The following FAM13B variants were observed in gnomAD, a reference collection of about 807,000 sequenced individuals.
FAM13B encodes family with sequence similarity 13 member B, also known as protein FAM13B.
FAM13B carries 60 observed loss-of-function variants against 117.3 expected under a neutral mutation model. That is an observed-to-expected ratio of 0.51 (90% CI 0.42 to 0.63). The LOEUF is 0.63. Among genes scored for constraint, FAM13B ranks in the 30% least tolerant of loss-of-function variants. The pLI, the probability that FAM13B is intolerant of heterozygous loss-of-function variation, is 0.00. For synonymous variants in FAM13B, 332 were observed against 356.1 expected, an observed-to-expected ratio of 0.93 and a Z score of 0.76; for missense variants, 972 against 1,091.9, an observed-to-expected ratio of 0.89 and a Z score of 1.55.
intron 1 of FAM13B, among the ~76,000 whole-genome samples, chr5:138,022,259 G>A (rs1786964880): frequency 6.6e-6 from 1 of 152,198 alleles, no homozygotes; most frequent in Non-Finnish European, 1.5e-5. Context: ...AGACTAGAGA[G>A]AGAGAGAAGA....
At position 137,943,214 on chromosome 5, in the gene FAM13B, T is replaced by G; in HGVS notation, c.2343A>C (p.Gly781=). The change falls in exon 21 of 24, where the codon GGA becomes GGC. Residue 781 remains glycine, a splice_region_variant and synonymous_variant. Coordinates refer to ENST00000689681, the MANE Select transcript of FAM13B (RefSeq NM_001385994.1). ...GACCCCTTCGCTTGGTGGATGGAGATCCCTATAACAATCAATAATATAAAT... is the reference window on the plus strand; with the variant it reads ...GACCCCTTCGCTTGGTGGATGGAGAGCCCTATAACAATCAATAATATAAAT... ...LTRASITPVL[G]SPSTKRRGQM... 1 of 1,611,518 alleles carries G rather than the reference T, an allele frequency of 6.2e-7. No homozygotes were observed. Among genetic ancestry groups the G allele is most frequent in the Non-Finnish European group, 8.5e-7 (1 of 1,177,998 alleles).
At chr5:137,949,933 A>G (rs1463213958) in intron 17 of FAM13B, among the ~76,000 whole-genome samples, 1 of 152,308 alleles carries the variant, frequency 6.6e-6, no homozygotes, top group South Asian at 2.1e-4. Context: ...ACTGCAATGC[A>G]GCCTGGGCAA....
chr5:137,984,052 T>G (rs1479991620), intron 10 of FAM13B, among the ~76,000 whole-genome samples: 1 of 152,202 alleles, frequency 6.6e-6, no homozygotes, highest in Non-Finnish European at 1.5e-5. Flanking sequence ...ATGGCAATTA[T>G]ATTAAAAAAA....
intron 9 of FAM13B, 116 bp downstream of exon 9, chr5:137,987,345 C>T: frequency 2.1e-6 from 2 of 960,284 alleles, no homozygotes; most frequent in Non-Finnish European, 3.0e-6. Context: ...TCACTTTTCA[C>T]AAACAACTTT....
chr5:137,944,347 G>T (rs1245477127), intron 20 of FAM13B, among the ~76,000 whole-genome samples: 1 of 152,110 alleles, frequency 6.6e-6, no homozygotes, highest in African/African-American at 2.4e-5. Context: ...AACAACACAT[G>T]CAGTCACATG....
chr5:137,960,175 G>A lies in FAM13B; in HGVS notation c.1284C>T (p.His428=). 6.5e-7 allele frequency: 1 copy of A among 1,531,086 alleles called. No homozygotes were observed. Among genetic ancestry groups the A allele is most frequent in the Non-Finnish European group, 9.0e-7 (1 of 1,116,986 alleles). 94.8% of individuals were successfully genotyped at this position (1,531,086 alleles called of 1,614,324 possible). ...YLLFDSDKLS[H]LILDSSSKIC... ...AAAAAATAGTTCTTACCAGAATCAA[G>A]TGTGACAATTTATCACTGTCAAATA... The change falls in exon 12 of 24, where the codon CAC becomes CAT. Residue 428 remains histidine (H), a synonymous_variant. Transcript: ENST00000689681.
intron 14 of FAM13B, among the ~76,000 whole-genome samples, 188 bp downstream of exon 14, chr5:137,956,289 G>A (rs1766533473): frequency 6.6e-6 from 1 of 152,198 alleles, no homozygotes; most frequent in African/African-American, 2.4e-5. Flanking sequence ...GTAACTGGTA[G>A]TAAACATTTT....
At chr5:137,954,005 G>A (rs747930683) in intron 15 of FAM13B, among the ~76,000 whole-genome samples, 161 bp downstream of exon 15, 3 of 149,892 alleles carry the variant, frequency 2.0e-5, no homozygotes, top group Non-Finnish European at 4.4e-5. Flanking sequence ...CAGTGAGAAA[G>A]CTCTGAATTC....
intron 18 of FAM13B, among the ~76,000 whole-genome samples, chr5:137,947,468 C>T (rs1053859110): frequency 1.3e-5 from 2 of 152,100 alleles, no homozygotes; most frequent in African/African-American, 2.4e-5. Flanking sequence ...AAAGAAAGGG[C>T]TTGGTGCTGT....
chr5:137,989,963 G>A (rs1401801291), intron 7 of FAM13B, among the ~76,000 whole-genome samples: 4 of 152,262 alleles, frequency 2.6e-5, no homozygotes, highest in East Asian at 3.9e-4. Flanking sequence ...GCGGTTTCCT[G>A]TGAGCTAAAA....
chr5:137,977,106 T>G (rs1774253056), intron 10 of FAM13B, among the ~76,000 whole-genome samples: 1 of 152,178 alleles, frequency 6.6e-6, no homozygotes, highest in Non-Finnish European at 1.5e-5. Context: ...AATGGCCTCC[T>G]TGGGTGTGGC....
chr5:137,979,536 T>C (rs1775040715), intron 10 of FAM13B, among the ~76,000 whole-genome samples: 1 of 152,238 alleles, frequency 6.6e-6, no homozygotes. Flanking sequence ...GCTCTACGTA[T>C]GACCCAAATC....
At position 137,958,495 on chromosome 5, in the gene FAM13B, G is replaced by A. The variant is rs578224599; in HGVS notation, c.1441+1121C>T. 5.3e-5 allele frequency among the ~76,000 whole-genome samples: 8 copies of A among 151,842 alleles called. No individual in the cohort carries two copies. In the South Asian group the frequency reaches 1.7e-3, roughly 32 times the overall value. ...ACACACTCCATTTGCGATCAGGTGAGTACACTTAAACAGTGCCAAAAGGAG... is the reference window on the plus strand; with the variant it reads ...ACACACTCCATTTGCGATCAGGTGAATACACTTAAACAGTGCCAAAAGGAG... On this transcript the variant is annotated intron_variant, in intron 13 of 23. Coordinates refer to ENST00000689681, the MANE Select transcript of FAM13B (RefSeq NM_001385994.1).
chr5:137,999,079 T>C (rs556541570), intron 7 of FAM13B, among the ~76,000 whole-genome samples: 21 of 152,214 alleles, frequency 1.4e-4, no homozygotes, highest in Admixed American at 9.2e-4. Flanking sequence ...AGGCCTGTAA[T>C]TGATTTCTGA....
intron 1 of FAM13B, among the ~76,000 whole-genome samples, chr5:138,047,375 A>C (rs978935862): frequency 2.6e-5 from 4 of 151,716 alleles, no homozygotes; most frequent in African/African-American, 9.7e-5. Context: ...GCGTGGTAGC[A>C]CACGCCTGTA....
At chr5:137,981,324 T>C (rs1775685890) in intron 10 of FAM13B, among the ~76,000 whole-genome samples, 1 of 152,006 alleles carries the variant, frequency 6.6e-6, no homozygotes, top group Non-Finnish European at 1.5e-5. Flanking sequence ...GCCTGATGCT[T>C]GTAATCCCAA....
chr5:137,966,486 T>TAGAGAGAGAG (rs1244578551), intron 10 of FAM13B, among the ~76,000 whole-genome samples: 255 of 43,966 alleles, frequency 5.8e-3, no homozygotes, highest in East Asian at 7.7e-3. Flanking sequence ...TATATATATA[T>TAGAGAGAGAG]ATAGAGAGAG....
chr5:137,992,632 C>T (rs1244099071), intron 7 of FAM13B, among the ~76,000 whole-genome samples: 1 of 151,970 alleles, frequency 6.6e-6, no homozygotes, highest in Non-Finnish European at 1.5e-5. Flanking sequence ...CAATGAACCA[C>T]TAAAGTTCAC....
At position 137,953,267 on chromosome 5, in the gene FAM13B, CT is replaced by C. The variant is rs999691890; in HGVS notation, c.1848+68del. ...TTTCTCACACAGATCTAAACTAATGCTTTTGAAAAACTATCCTCTCAGTTCT... is the reference window on the plus strand; with the variant it reads ...TTTCTCACACAGATCTAAACTAATGCTTTGAAAAACTATCCTCTCAGTTCT... On this transcript the variant is annotated intron_variant, in intron 16 of 23. Coordinates refer to ENST00000689681, the MANE Select transcript of FAM13B (RefSeq NM_001385994.1). 6 of 1,543,850 alleles carry C rather than the reference CT, an allele frequency of 3.9e-6. No homozygotes were observed. In the African/African-American group the frequency reaches 8.2e-5, roughly 21 times the overall value.
Sources: allele counts gnomAD v4.1 joint callset (sites outside exome capture counted in the v4.1 genomes callset), GRCh38; gene constraint gnomAD v4.1.1; transcripts MANE v1.5; gene names NCBI Gene and HGNC (gene_info 2026-07-23, HGNC 2026-07-21).